CYP4V2: variants seen among roughly 807,000 people sequenced by gnomAD.
CYP4V2 encodes cytochrome P450 4V2.
CYP4V2 carries 55 observed loss-of-function variants against 60.8 expected under a neutral mutation model. The observed-to-expected ratio is 0.90, with a 90% confidence interval of 0.73 to 1.13. The LOEUF (loss-of-function observed/expected upper bound fraction) is 1.13. Ranked by LOEUF, CYP4V2 falls within the 50% of genes most tolerant of loss-of-function variation. The pLI, the probability that CYP4V2 is intolerant of heterozygous loss-of-function variation, is 0.00. For synonymous variants in CYP4V2, 239 were observed against 236.8 expected, an observed-to-expected ratio of 1.01 and a Z score of -0.08; for missense variants, 675 against 662.9, an observed-to-expected ratio of 1.02 and a Z score of -0.20.
chr4:186,199,220 G>C, intron 6 of CYP4V2, 137 bp downstream of exon 6: 1 of 949,670 alleles, frequency 1.1e-6, no homozygotes, highest in Non-Finnish European at 1.6e-6. Context: ...TTCATTTCCA[G>C]AACTTTTGGT....
chr4:186,200,624 C>G (rs973245936), intron 6 of CYP4V2, among the ~76,000 whole-genome samples: 3 of 152,096 alleles, frequency 2.0e-5, no homozygotes, highest in Non-Finnish European at 4.4e-5. Context: ...TGAGGGAGGT[C>G]TCTCTGATCG....
chr4:186,209,378 CT>C, intron 10 of CYP4V2, 106 bp downstream of exon 10: 1 of 1,381,418 alleles, frequency 7.2e-7, no homozygotes, highest in Non-Finnish European at 1.0e-6. Flanking sequence ...ATGCAACAGC[CT>C]TAAAAAAAAA....
In CYP4V2 at chr4:186,191,599, C is replaced by T. The variant is rs1481161554; in HGVS notation, c.-225C>T. The T allele has an allele frequency of 1.2e-5, 4 of 332,714 alleles. No homozygotes were observed. Among genetic ancestry groups the T allele is most frequent in the Non-Finnish European group, 2.1e-5 (4 of 188,124 alleles). The allele number at this position is 332,714 out of a possible 1,614,324, so 20.6% of individuals were successfully genotyped here. A position where few individuals can be genotyped will look rare whatever the true frequency, so the allele number is the denominator to read the frequency against. ...TCGCTTTCGGCTGGGGCGTGGAGGCCGCGGTGCTGCGTAGGCCGGGCCGGG... is the reference window on the plus strand; with the variant it reads ...TCGCTTTCGGCTGGGGCGTGGAGGCTGCGGTGCTGCGTAGGCCGGGCCGGG... On this transcript the variant is annotated 5_prime_UTR_variant, in exon 1 of 11. Transcript: ENST00000378802.
rs775722173 is a variant in CYP4V2 at position 186,210,575 on chromosome 4, GT to G, written c.1514del (p.Leu505Ter). The G allele has an allele frequency of 4.3e-6, 7 of 1,614,064 alleles. No homozygotes were observed. The highest frequency in any genetic ancestry group is 5.9e-6 in the Non-Finnish European group (7 of 1,180,018). On this transcript the variant is annotated frameshift_variant, in exon 11 of 11. Transcript: ENST00000378802. LOFTEE classifies it high-confidence loss of function. ...KREELGLEGQ[L>X]ILRPSNGIWI... The stretch of plus-strand genomic sequence containing the variant: ...GAGAAGAGCTTGGTCTAGAAGGACA[GT>G]TGATTCTTCGTCCAAGTAATGGCAT...
At chr4:186,201,899 TTCTC>T (rs1213789723) in intron 7 of CYP4V2, 1 of 152,946 alleles carries the variant, frequency 6.5e-6, no homozygotes, top group Non-Finnish European at 1.5e-5. Flanking sequence ...AAGAGGGACT[TTCTC>T]TATATGTGGA....
At position 186,205,059 on chromosome 4, in the gene CYP4V2, G is replaced by A. The variant is rs1736456195; in HGVS notation, c.988-141G>A. ...TTTCCTTGTTTGTCACCGAGGCAAG[G>A]TGCTGCACAGAATTCATTTCTTATG... On this transcript the variant is annotated intron_variant, in intron 7 of 10. Coordinates refer to ENST00000378802, the MANE Select transcript of CYP4V2 (RefSeq NM_207352.4). 6.1e-6 allele frequency: 5 copies of A among 818,014 alleles called. No homozygotes were observed. The South Asian group carries it at 7.2e-5, about 12-fold the overall frequency. The allele number at this position is 818,014 out of a possible 1,614,324, so 50.7% of individuals were successfully genotyped here.
At chr4:186,203,789 C>T (rs1420767954) in intron 7 of CYP4V2, 2 of 152,218 alleles carry the variant, frequency 1.3e-5, no homozygotes, top group East Asian at 1.9e-4. Flanking sequence ...AGGCGCCGAC[C>T]TCAGGACCTG....
chr4:186,209,798 G>C (rs1736649677), intron 10 of CYP4V2, among the ~76,000 whole-genome samples: 1 of 152,184 alleles, frequency 6.6e-6, no homozygotes, highest in Admixed American at 6.5e-5. Flanking sequence ...TTAGAATTTG[G>C]AGAGAGACAC....
Position 186,197,126 on chromosome 4 carries a change from C to T in CYP4V2, c.600C>T (p.Ile200=). 2 of 1,613,738 alleles carry T rather than the reference C, an allele frequency of 1.2e-6. No homozygotes were observed. The highest frequency in any genetic ancestry group is 1.7e-6 in the Non-Finnish European group (2 of 1,179,984). ...FYITLCALDI[I]CETAMGKNIG... ...TCACTCTTTGTGCCTTAGATATCATCTGTGGTGAGTCTCATCGATCTGTTT... is the reference window on the plus strand; with the variant it reads ...TCACTCTTTGTGCCTTAGATATCATTTGTGGTGAGTCTCATCGATCTGTTT... The change falls in exon 4 of 11, where the codon ATC becomes ATT. Residue 200 remains isoleucine (I), a synonymous_variant. Coordinates refer to ENST00000378802, the MANE Select transcript of CYP4V2 (RefSeq NM_207352.4).
chr4:186,202,365 T>C (rs6835646), intron 7 of CYP4V2: 44,519 of 152,016 alleles, frequency 0.29, 7,435 homozygotes, highest in Non-Finnish European at 0.38. Flanking sequence ...CCAGCTAACA[T>C]GCTGGGACCA....
chr4:186,196,683 T>G, intron 3 of CYP4V2: 1 of 427,632 alleles, frequency 2.3e-6, no homozygotes, highest in Non-Finnish European at 4.1e-6. Context: ...ATTTTTCAAT[T>G]TTATGAATGC....
chr4:186,204,693 C>T (rs1314438716), intron 7 of CYP4V2: 1 of 218,144 alleles, frequency 4.6e-6, no homozygotes, highest in African/African-American at 2.3e-5. Flanking sequence ...AATTCAGTTT[C>T]TGCAAAGTGC....
intron 7 of CYP4V2, chr4:186,204,424 G>T: frequency 4.9e-6 from 1 of 203,970 alleles, no homozygotes. Context: ...CGTTTCGCTG[G>T]CGTAAGAGGT....
In CYP4V2 at chr4:186,197,087, C is replaced by G. The variant is rs569336882; in HGVS notation, c.561C>G (p.Asn187Lys). The change falls in exon 4 of 11, where the codon AAC (asparagine) becomes AAG (lysine). Residue 187 changes from asparagine to lysine, a missense_variant. Physicochemically the swap from Asn to Lys is moderately conservative, Grantham distance 94 (BLOSUM62 0). Transcript: ENST00000378802. ...AACACATTAACCAAGAAGCATTTAACTGCTTTTTTTACATCACTCTTTGTG... is the reference window on the plus strand; with the variant it reads ...AACACATTAACCAAGAAGCATTTAAGTGCTTTTTTTACATCACTCTTTGTG... ...LEKHINQEAF[N>K]CFFYITLCAL... is the part of the protein sequence containing the mutation. 2 of 1,613,918 alleles carry G rather than the reference C, an allele frequency of 1.2e-6. No homozygotes were observed. The highest frequency in any genetic ancestry group is 2.7e-5 in the African/African-American group (2 of 75,044).
chr4:186,209,440 C>T (rs192210448), intron 10 of CYP4V2, among the ~76,000 whole-genome samples, 168 bp downstream of exon 10: 131 of 152,180 alleles, frequency 8.6e-4, no homozygotes, highest in African/African-American at 2.7e-3. Flanking sequence ...TAAAATATTA[C>T]GGTCAAAAGG....
At chr4:186,204,574 A>G (rs1323292803) in intron 7 of CYP4V2, 1 of 188,338 alleles carries the variant, frequency 5.3e-6, no homozygotes, top group Non-Finnish European at 1.1e-5. Flanking sequence ...GTTTCCCACT[A>G]AGCTGTTTAG....
At position 186,210,461 on chromosome 4, in the gene CYP4V2, A is replaced by C; in HGVS notation, c.1406-8A>C. Reference sequence around the variant, plus strand: ...AACTAAAGCGATGGTATCTACATTAATTTGAAGGTCAAAAGTTTGCTGTGA... The same window carrying C: ...AACTAAAGCGATGGTATCTACATTACTTTGAAGGTCAAAAGTTTGCTGTGA... On this transcript the variant is annotated splice_region_variant and splice_polypyrimidine_tract_variant and intron_variant, in intron 10 of 10. Coordinates refer to ENST00000378802, the MANE Select transcript of CYP4V2 (RefSeq NM_207352.4). 1 of 1,614,178 alleles carries C rather than the reference A, an allele frequency of 6.2e-7. No individual in the cohort carries two copies. Among genetic ancestry groups the C allele is most frequent in the Non-Finnish European group, 8.5e-7 (1 of 1,180,022 alleles).
In CYP4V2 at chr4:186,197,483, A is replaced by AT. The variant is rs749762667; in HGVS notation, c.605-49dup. ...TCTGCCGCTGCAAAATAAACACGAG[A>AT]TAACTAACGTGCGTGAATTGAATGG... On this transcript the variant is annotated intron_variant, in intron 4 of 10. Transcript: ENST00000378802. 4.4e-6 allele frequency: 7 copies of AT among 1,576,712 alleles called. No homozygotes were observed. In the African/African-American group the frequency reaches 9.5e-5, roughly 21 times the overall value.
intron 7 of CYP4V2, chr4:186,204,670 T>C (rs1333203634): frequency 9.5e-6 from 2 of 209,950 alleles, no homozygotes; most frequent in Non-Finnish European, 2.0e-5. Flanking sequence ...TTCATGGAGT[T>C]TTTGTGCAGA....
Sources: allele counts gnomAD v4.1 joint callset (sites outside exome capture counted in the v4.1 genomes callset), GRCh38; gene constraint gnomAD v4.1.1; transcripts MANE v1.5; gene names NCBI Gene and HGNC (gene_info 2026-07-23, HGNC 2026-07-21).